PAX4: variants seen among roughly 807,000 people sequenced by gnomAD.
PAX4 encodes paired box protein Pax-4.
In PAX4, 33 loss-of-function variants were observed where a neutral mutation model predicts 40.6. That is an observed-to-expected ratio of 0.81 (90% CI 0.62 to 1.09). The LOEUF (loss-of-function observed/expected upper bound fraction) is 1.09, where lower values mean the gene tolerates loss of function less well. Ranked by LOEUF, PAX4 falls within the 50% of genes least tolerant of loss-of-function variation. The pLI, the probability that PAX4 is intolerant of heterozygous loss-of-function variation, is 0.00. For synonymous variants in PAX4, 174 were observed against 170.6 expected (o/e 1.02, Z -0.16); for missense variants, 459 against 442.5 (o/e 1.04, Z -0.33).
intron 1 of PAX4, 125 bp from the exon 2 acceptor site, chr7:127,617,525 C>G (rs190548982): frequency 6.6e-6 from 1 of 152,218 alleles, no homozygotes; most frequent in East Asian, 1.9e-4. Flanking sequence ...GTAATTGCCA[C>G]AAAAACAATG....
chr7:127,610,914 A>C lies in PAX4; in HGVS notation c.*150T>G. 6.5e-7 allele frequency: 1 copy of C among 1,546,412 alleles called. No individual in the cohort carries two copies. The highest frequency in any genetic ancestry group is 8.7e-7 in the Non-Finnish European group (1 of 1,146,956). ...CCTCCAATCAGGTGATGCGCCAGAG[A>C]GGCATCGAGGCAGGGCCAGGCAACG... On this transcript the variant is annotated 3_prime_UTR_variant, in exon 12 of 12. Coordinates refer to ENST00000639438, the MANE Select transcript of PAX4 (RefSeq NM_001366110.1).
intron 6 of PAX4, 50 bp from the exon 7 acceptor site, chr7:127,613,931 G>A (rs749450069): frequency 6.2e-7 from 1 of 1,607,408 alleles, no homozygotes; most frequent in Non-Finnish European, 8.5e-7. Context: ...TGATTCCTCT[G>A]GTCAGATGGG....
At chr7:127,616,832 C>T (rs746804050) in intron 2 of PAX4, among the ~76,000 whole-genome samples, 5 of 152,158 alleles carry the variant, frequency 3.3e-5, no homozygotes, top group African/African-American at 9.7e-5. Flanking sequence ...GAAGACTGTC[C>T]GCTGAGCAAC....
At chr7:127,615,335 C>T (rs1794706989) in intron 4 of PAX4, 66 bp downstream of exon 4, 1 of 1,613,416 alleles carries the variant, frequency 6.2e-7, no homozygotes, top group East Asian at 2.2e-5. Flanking sequence ...CAGGCTCTTG[C>T]CTTCAGAGGA....
At chr7:127,615,882 C>T (rs1337165984) in intron 3 of PAX4, 34 bp downstream of exon 3, 3 of 1,535,980 alleles carry the variant, frequency 2.0e-6, no homozygotes, top group Non-Finnish European at 2.6e-6. Flanking sequence ...CTCTGTTGTC[C>T]TCCCTGTCTT....
chr7:127,613,214 C>T, intron 8 of PAX4, 123 bp from the exon 9 acceptor site: 2 of 903,664 alleles, frequency 2.2e-6, no homozygotes, highest in Non-Finnish European at 1.8e-6. Context: ...GACATCCTCC[C>T]TCCCTGCTCT....
Position 127,613,766 on chromosome 7 carries a change from T to A in PAX4, c.552A>T (p.Ala184=), listed in dbSNP as rs1794676187. ...GTCCCAGCCCAGCACCTTTCTCCAG[T>A]GCCTCTGCTTGGCTTGGGGAGAAGA... ...RTIFSPSQAE[A]LEKEFQRGQY... The change falls in exon 7 of 12, where the codon GCA becomes GCT. Residue 184 remains alanine (A), a synonymous_variant. Coordinates refer to ENST00000639438, the MANE Select transcript of PAX4 (RefSeq NM_001366110.1). 1.9e-6 allele frequency: 3 copies of A among 1,613,836 alleles called. No homozygotes were observed.
Position 127,611,136 on chromosome 7 carries a change from A to G in PAX4, c.984T>C (p.Cys328=). The G allele has an allele frequency of 6.2e-7, 1 of 1,605,610 alleles. No homozygotes were observed. The highest frequency in any genetic ancestry group is 8.5e-7 in the Non-Finnish European group (1 of 1,175,742). Residue 328 remains cysteine, a synonymous_variant, in exon 12 of 12, where the codon TGT becomes TGC. Transcript: ENST00000639438. ...GAGAGCCACTAAGACTGGCCAGGTG[A>G]CAGTGGGAGGAAGGGCAAGGAAGGC... is the stretch of plus-strand genomic sequence containing the variant. ...LLCLPCPSSH[C]HLASLSGSQA... is the part of the protein sequence containing the mutation.
rs149708455 is a variant in PAX4, at chr7:127,615,487, G to C, written c.58C>G (p.Arg20Gly). 1.2e-6 allele frequency: 2 copies of C among 1,614,056 alleles called. No homozygotes were observed. Among genetic ancestry groups the C allele is most frequent in the Non-Finnish European group, 1.7e-6 (2 of 1,180,024 alleles). Residue 20 changes from arginine (R) to glycine (G), a missense_variant, in exon 4 of 12, where the codon CGG becomes GGG. Transcript: ENST00000639438. ...NQLGGLFVNG[R>G]PLPLDTRQQI... ...TGCCGGGTATCCAGAGGCAGGGGCC[G>C]GCCATTCACAAAGAGCCCCCCAAGC...
Position 127,615,093 on chromosome 7 carries a change from T to TAG in PAX4, c.146_147insCT (p.Ser50TyrfsTer6). On this transcript the variant is annotated frameshift_variant and splice_region_variant, in exon 5 of 12. Coordinates refer to ENST00000639438, the MANE Select transcript of PAX4 (RefSeq NM_001366110.1). LOFTEE classifies it high-confidence loss of function. Reference sequence around the variant, plus strand: ...GGATCTTGCTCACACAGCCATTAGATACCTGAGTCAGGTGAGAAGCAGGGA... The same window carrying TAG: ...GGATCTTGCTCACACAGCCATTAGATAGACCTGAGTCAGGTGAGAAGCAGGGA... The TAG allele has an allele frequency of 6.2e-7, 1 of 1,614,154 alleles. No individual in the cohort carries two copies. Among genetic ancestry groups the TAG allele is most frequent in the South Asian group, 1.1e-5 (1 of 91,088 alleles).
At chr7:127,613,975 A>G (rs1794681505) in intron 6 of PAX4, 94 bp from the exon 7 acceptor site, 7 of 1,462,664 alleles carry the variant, frequency 4.8e-6, no homozygotes, top group Non-Finnish European at 2.8e-6. Context: ...GCCGGGAGAC[A>G]CCATGGGTAG....
intron 9 of PAX4, 137 bp downstream of exon 9, chr7:127,612,885 A>AATGG (rs1056526234): frequency 2.8e-6 from 2 of 702,224 alleles, no homozygotes; most frequent in African/African-American, 3.6e-5. Flanking sequence ...TGAATGGATG[A>AATGG]ATGGATGGAT....
rs1587551536 is a variant in PAX4, at chr7:127,614,800, A to G, written c.360+80T>C. The stretch of plus-strand genomic sequence containing the variant: ...CCTGTCACCAGCTTGGGATGCCCAC[A>G]TTGCCAAATAAGAAAGGTTCTTTGT... On this transcript the variant is annotated intron_variant, in intron 5 of 11. Coordinates refer to ENST00000639438, the MANE Select transcript of PAX4 (RefSeq NM_001366110.1). The G allele has an allele frequency of 5.2e-6, 8 of 1,547,858 alleles. No homozygotes were observed. In the East Asian group the frequency reaches 1.2e-4, roughly 23 times the overall value.
chr7:127,615,843 G>A, intron 3 of PAX4, 73 bp downstream of exon 3: 1 of 1,533,562 alleles, frequency 6.5e-7, no homozygotes, highest in Non-Finnish European at 8.7e-7. Flanking sequence ...AACAGTTGAT[G>A]GAAGCAAAGC....
chr7:127,613,853 G>A lies in PAX4; in HGVS notation c.465C>T (p.Pro155=). The change falls in exon 7 of 12, where the codon CCC becomes CCT. Residue 155 remains proline (P), a synonymous_variant. Coordinates refer to ENST00000639438, the MANE Select transcript of PAX4 (RefSeq NM_001366110.1). ...PAVLAPAVLT[P]HSGSETPRGT... is the part of the protein sequence containing the mutation. ...CCCGGGGAGTCTCAGAGCCACTATG[G>A]GGAGTGAGGACAGCTGGAGCCAAAA... is the stretch of plus-strand genomic sequence containing the variant. 4 of 1,614,028 alleles carry A rather than the reference G, an allele frequency of 2.5e-6. No homozygotes were observed. The highest frequency in any genetic ancestry group is 2.2e-5 in the East Asian group (1 of 44,852).
intron 9 of PAX4, 32 bp downstream of exon 9, chr7:127,612,990 C>T (rs372984330): frequency 4.4e-5 from 67 of 1,524,666 alleles, no homozygotes; most frequent in Middle Eastern, 2.2e-4. Flanking sequence ...GATGACTGAG[C>T]GGGCAGATGG....
chr7:127,612,934 A>AGAAT (rs1554403974), intron 9 of PAX4, 88 bp downstream of exon 9: 4 of 920,102 alleles, frequency 4.3e-6, no homozygotes, highest in Non-Finnish European at 7.1e-6. Context: ...GGACGAATGG[A>AGAAT]GGATGGATGG....
At chr7:127,611,807 GACTTTGGGTTAGTAC>G in intron 10 of PAX4, 123 bp downstream of exon 10, 2 of 1,596,350 alleles carry the variant, frequency 1.3e-6, no homozygotes, top group Non-Finnish European at 8.5e-7. Flanking sequence ...TCACATAGTA[GACTTTGGGTTAGTAC>G]TTTCTTGACA....
At position 127,610,544 on chromosome 7, in the gene PAX4, TCA is replaced by T. The variant is rs1794601960; in HGVS notation, c.*518_*519del. 2.1e-5 allele frequency: 4 copies of T among 194,584 alleles called. No individual in the cohort carries two copies. Among genetic ancestry groups the T allele is most frequent in the African/African-American group, 3.1e-5 (1 of 31,970 alleles). The allele number at this position is 194,584 out of a possible 1,614,324, so 12.1% of individuals were successfully genotyped here. ...AGGAATAAAATGCCATGATATAATG[TCA>T]GTGTGTGTGTGTGTGTGTGTGTGTG... On this transcript the variant is annotated 3_prime_UTR_variant, in exon 12 of 12. Coordinates refer to ENST00000639438, the MANE Select transcript of PAX4 (RefSeq NM_001366110.1).
Sources: gnomAD v4.1 joint callset for allele counts (sites outside exome capture counted in the v4.1 genomes callset) on GRCh38, gnomAD v4.1.1 for gene constraint, MANE v1.5 for transcripts, NCBI Gene and HGNC (gene_info 2026-07-23, HGNC 2026-07-21) for gene names.